HS2ST1: variants seen among roughly 807,000 people sequenced by gnomAD.
HS2ST1 encodes the protein 2-O-sulfotransferase.
HS2ST1 carries 18 observed loss-of-function variants against 42.9 expected under a neutral mutation model. That is an observed-to-expected ratio of 0.42 (90% CI 0.29 to 0.62). HS2ST1 has a LOEUF of 0.62. Among genes scored for constraint, HS2ST1 ranks in the 20% least tolerant of loss-of-function variants. The probability of loss-of-function intolerance (pLI) is 0.21; values close to 1 mark genes in which losing one functional copy is unlikely to be tolerated. For missense variants in HS2ST1, 334 were observed against 433.8 expected (o/e 0.77, Z 2.04); for synonymous variants, 146 against 152.9 (o/e 0.95, Z 0.33).
rs555117409 is a variant in HS2ST1, at chr1:87,047,132, C to T, written c.125-25802C>T. Among the ~76,000 whole-genome samples, 25 of 152,228 alleles carry T rather than the reference C, an allele frequency of 1.6e-4. 1 individual carries two copies. The South Asian group carries it at 3.1e-3, about 19-fold the overall frequency. ...CATTCTTGACAAGTCTCGGTATGACCGGTCTTCAGTTTTAGCCATTCTTAC... is the reference window on the plus strand; with the variant it reads ...CATTCTTGACAAGTCTCGGTATGACTGGTCTTCAGTTTTAGCCATTCTTAC... On this transcript the variant is annotated intron_variant, in intron 1 of 6. Transcript: ENST00000370550.
At position 87,107,639 on chromosome 1, in the gene HS2ST1, A is replaced by G. The variant is rs1213707550; in HGVS notation, c.*2943A>G. The G allele has an allele frequency of 5.7e-4, 5 of 8,832 alleles. No homozygotes were observed. The East Asian group carries it at 0.034, about 60-fold the overall frequency. The allele number at this position is 8,832 out of a possible 1,614,324, so 0.5% of individuals were successfully genotyped here. On this transcript the variant is annotated 3_prime_UTR_variant, in exon 7 of 7. Transcript: ENST00000370550. ...TGTTATGTGTGTATGTGAAATATAT[A>G]TACATATATATATATATGTTTATTT... is the stretch of plus-strand genomic sequence containing the variant.
intron 1 of HS2ST1, among the ~76,000 whole-genome samples, chr1:86,950,305 CA>C (rs1647473477): frequency 6.6e-6 from 1 of 152,048 alleles, no homozygotes. Context: ...TTGGACCCTT[CA>C]AAAATGCTAG....
chr1:87,071,728 C>T (rs1206586492), intron 1 of HS2ST1, among the ~76,000 whole-genome samples: 1 of 130,428 alleles, frequency 7.7e-6, no homozygotes, highest in Middle Eastern at 4.1e-3. Context: ...ACTCTGTCTC[C>T]GAAAAAAAAA....
At chr1:86,923,537 C>G (rs963945882) in intron 1 of HS2ST1, among the ~76,000 whole-genome samples, 1 of 151,970 alleles carries the variant, frequency 6.6e-6, no homozygotes, top group African/African-American at 2.4e-5. Context: ...GCTGGGACTA[C>G]AGGTGCCTGC....
At chr1:87,011,389 C>T (rs991107627) in intron 1 of HS2ST1, among the ~76,000 whole-genome samples, 6 of 152,014 alleles carry the variant, frequency 3.9e-5, no homozygotes, top group African/African-American at 1.2e-4. Context: ...ACCACAGGTG[C>T]ACACCACCAC....
chr1:86,989,756 T>G (rs1296541466), intron 1 of HS2ST1, among the ~76,000 whole-genome samples: 2 of 152,134 alleles, frequency 1.3e-5, no homozygotes. Context: ...GTGTGTGATA[T>G]TCCCCTCCCT....
chr1:87,102,274 T>C (rs984802609), intron 5 of HS2ST1, among the ~76,000 whole-genome samples: 1 of 152,118 alleles, frequency 6.6e-6, no homozygotes, highest in African/African-American at 2.4e-5. Context: ...GTCGGGCTGG[T>C]CTTGAACTCC....
chr1:87,001,418 A>G (rs143658448), intron 1 of HS2ST1, among the ~76,000 whole-genome samples: 9 of 152,200 alleles, frequency 5.9e-5, no homozygotes, highest in Non-Finnish European at 1.3e-4. Context: ...TATGTGGGCT[A>G]TCTGCGAAGG....
intron 1 of HS2ST1, 106 bp downstream of exon 1, chr1:86,915,266 T>C (rs957840255): frequency 9.1e-6 from 12 of 1,314,200 alleles, no homozygotes; most frequent in Non-Finnish European, 1.1e-5. Flanking sequence ...GCTCGGGGGC[T>C]GAAAGCGGTT....
At chr1:87,091,512 G>A (rs1651942771) in intron 3 of HS2ST1, among the ~76,000 whole-genome samples, 1 of 151,916 alleles carries the variant, frequency 6.6e-6, no homozygotes, top group Non-Finnish European at 1.5e-5. Context: ...AACAAATGAT[G>A]TTTAGGAACA....
At chr1:87,093,430 T>G (rs1195026614) in intron 4 of HS2ST1, among the ~76,000 whole-genome samples, 2 of 152,098 alleles carry the variant, frequency 1.3e-5, no homozygotes, top group Non-Finnish European at 2.9e-5. Context: ...TCTGGAAAAC[T>G]CTTTATCCAC....
At chr1:87,065,287 T>C (rs1181280037) in intron 1 of HS2ST1, among the ~76,000 whole-genome samples, 1 of 152,188 alleles carries the variant, frequency 6.6e-6, no homozygotes, top group East Asian at 1.9e-4. Context: ...ATTCAGACAT[T>C]TAATGGCACT....
chr1:87,047,383 G>A (rs1242492368), intron 1 of HS2ST1, among the ~76,000 whole-genome samples: 2 of 151,646 alleles, frequency 1.3e-5, no homozygotes, highest in African/African-American at 2.4e-5. Context: ...TTTCCTTTAT[G>A]TGGCTTTCCT....
chr1:86,932,555 A>T (rs1660565729), intron 1 of HS2ST1: 1 of 152,176 alleles, frequency 6.6e-6, no homozygotes, highest in Non-Finnish European at 1.5e-5. Context: ...GTCATGATCA[A>T]ATACATTGAT....
intron 1 of HS2ST1, among the ~76,000 whole-genome samples, chr1:86,935,793 G>A (rs982049179): frequency 2.0e-5 from 3 of 152,020 alleles, no homozygotes; most frequent in African/African-American, 4.8e-5. Flanking sequence ...ATTTACAGAA[G>A]TTTCTTGTGA....
intron 1 of HS2ST1, among the ~76,000 whole-genome samples, chr1:87,018,132 CCACACACACA>C (rs56401098): frequency 0.15 from 22,466 of 148,564 alleles, 1,889 homozygotes; most frequent in African/African-American, 0.23. Flanking sequence ...TAAATAAAAG[CCACACACACA>C]CACACACACA....
At position 87,108,156 on chromosome 1, in the gene HS2ST1, A is replaced by G. The variant is rs533077659; in HGVS notation, c.*3460A>G. ...TTTGCATTGTTAGAAAACAGTTTGT[A>G]GACAATGATTCTTTTTTAATAAAAT... On this transcript the variant is annotated 3_prime_UTR_variant, in exon 7 of 7. Transcript: ENST00000370550. 24 of 152,248 alleles carry G rather than the reference A, an allele frequency of 1.6e-4. No homozygotes were observed. Among genetic ancestry groups the G allele is most frequent in the African/African-American group, 5.8e-4 (24 of 41,584 alleles). The allele number at this position is 152,248 out of a possible 1,614,324, so 9.4% of individuals were successfully genotyped here.
chr1:86,938,847 G>C (rs1660708285), intron 1 of HS2ST1, among the ~76,000 whole-genome samples: 1 of 152,176 alleles, frequency 6.6e-6, no homozygotes, highest in South Asian at 2.1e-4. Flanking sequence ...GGAAATGTCA[G>C]AACAGTATAC....
At chr1:87,043,081 G>C (rs746562566) in intron 1 of HS2ST1, among the ~76,000 whole-genome samples, 2 of 152,042 alleles carry the variant, frequency 1.3e-5, no homozygotes, top group Non-Finnish European at 2.9e-5. Context: ...TGGTATAGGA[G>C]ACACTTATAA....
Sources: gnomAD v4.1 joint callset for allele counts (sites outside exome capture counted in the v4.1 genomes callset) on GRCh38, gnomAD v4.1.1 for gene constraint, MANE v1.5 for transcripts, NCBI Gene and HGNC (gene_info 2026-07-23, HGNC 2026-07-21) for gene names.